Variants in UFD1 observed in about 807,000 individuals in gnomAD.
UFD1 encodes the protein ubiquitin recognition factor in ER-associated degradation protein 1.
A neutral mutation model predicts 45.9 loss-of-function variants in UFD1; 13 were observed. The ratio of observed to expected loss-of-function variants is 0.28; its 90% CI spans 0.18 to 0.45. UFD1 has a LOEUF of 0.45. Among genes scored for constraint, UFD1 ranks in the 20% least tolerant of loss-of-function variants. The probability of loss-of-function intolerance (pLI) is 1.00; values close to 1 mark genes in which losing one functional copy is unlikely to be tolerated. For missense variants in UFD1, 218 were observed against 389.2 expected, an observed-to-expected ratio of 0.56 and a Z score of 3.70; for synonymous variants, 128 against 139.2, an observed-to-expected ratio of 0.92 and a Z score of 0.56.
intron 7 of UFD1, 92 bp downstream of exon 7, chr22:19,457,979 T>C: frequency 7.3e-7 from 1 of 1,364,894 alleles, no homozygotes. Context: ...CAGGGGCTGT[T>C]TGATGCCCTC....
chr22:19,457,638 C>A (rs2089733144), intron 7 of UFD1, among the ~76,000 whole-genome samples: 1 of 152,082 alleles, frequency 6.6e-6, no homozygotes, highest in Non-Finnish European at 1.5e-5. Flanking sequence ...CATGGTAAAA[C>A]CCTGTCTCTA....
chr22:19,464,268 G>A (rs1321086320), intron 6 of UFD1, among the ~76,000 whole-genome samples: 1 of 152,238 alleles, frequency 6.6e-6, no homozygotes, highest in Non-Finnish European at 1.5e-5. Flanking sequence ...AGAGAGTGCT[G>A]TGAAGGAGCT....
At chr22:19,471,632 G>A in intron 4 of UFD1, 55 bp downstream of exon 4, 3 of 1,595,788 alleles carry the variant, frequency 1.9e-6, no homozygotes, top group Admixed American at 1.7e-5. Flanking sequence ...CTCGAGTGCA[G>A]GAGATGTCTC....
intron 6 of UFD1, among the ~76,000 whole-genome samples, chr22:19,462,171 T>C (rs2089772454): frequency 6.6e-6 from 1 of 151,976 alleles, no homozygotes; most frequent in South Asian, 2.1e-4. Flanking sequence ...AGCTAATTTT[T>C]GTATTTTTTG....
rs1372661161 is a variant in UFD1, at chr22:19,467,899, G to A, written c.396C>T (p.Phe132=). The A allele has an allele frequency of 6.2e-7, 1 of 1,614,062 alleles. No homozygotes were observed. The highest frequency in any genetic ancestry group is 2.2e-5 in the East Asian group (1 of 44,892). ...YSKFQPQSPD[F]LDITNPKAVL... ...CGGCTTTGGGGTTGGTGATGTCCAG[G>A]AAGTCAGGGCTCTGAGGTTGGAATT... is the stretch of plus-strand genomic sequence containing the variant. Residue 132 remains phenylalanine, a synonymous_variant, in exon 5 of 12, where the codon TTC becomes TTT. Transcript: ENST00000263202.
At chr22:19,456,680 C>T (rs974005915) in intron 8 of UFD1, 46 bp from the exon 9 acceptor site, 6 of 1,613,980 alleles carry the variant, frequency 3.7e-6, no homozygotes, top group Non-Finnish European at 5.1e-6. Flanking sequence ...GCGGGGACAC[C>T]CAGCTTCCCT....
At chr22:19,468,269 TC>T (rs2089818214) in intron 4 of UFD1, among the ~76,000 whole-genome samples, 1 of 152,174 alleles carries the variant, frequency 6.6e-6, no homozygotes, top group Admixed American at 6.5e-5. Flanking sequence ...ACTCACTAGC[TC>T]CAGGCTTCCC....
intron 6 of UFD1, among the ~76,000 whole-genome samples, chr22:19,460,081 C>T (rs1457474676): frequency 1.3e-5 from 2 of 151,512 alleles, no homozygotes; most frequent in Non-Finnish European, 2.9e-5. Flanking sequence ...CTGGATAGTC[C>T]CACCATTTAA....
chr22:19,471,625 G>C (rs1251906281), intron 4 of UFD1, 62 bp downstream of exon 4: 22 of 1,587,062 alleles, frequency 1.4e-5, no homozygotes, highest in South Asian at 2.3e-5. Flanking sequence ...CAGGACTCTC[G>C]AGTGCAGGAG....
chr22:19,474,779 T>C (rs1449639278), intron 3 of UFD1, among the ~76,000 whole-genome samples: 21 of 152,076 alleles, frequency 1.4e-4, no homozygotes, highest in Middle Eastern at 3.4e-3. Context: ...CTGAGAACAG[T>C]TGGGGGGTGG....
chr22:19,461,257 C>G (rs1403098809), intron 6 of UFD1, among the ~76,000 whole-genome samples: 1 of 152,220 alleles, frequency 6.6e-6, no homozygotes, highest in African/African-American at 2.4e-5. Flanking sequence ...ACCCATTCAT[C>G]TGCAATTTAT....
chr22:19,450,029 G>A lies in UFD1; in HGVS notation c.*641C>T, dbSNP rs2089668099. The A allele has an allele frequency of 6.6e-6, 1 of 152,182 alleles. No individual in the cohort carries two copies. The highest frequency in any genetic ancestry group is 2.4e-5 in the African/African-American group (1 of 41,428). The allele number at this position is 152,182 out of a possible 1,614,324, so 9.4% of individuals were successfully genotyped here. On this transcript the variant is annotated 3_prime_UTR_variant, in exon 12 of 12. Transcript: ENST00000263202. ...CACATGTTTGCTTCTCCATGGAGTT[G>A]TTTCACTATGAACAGGTTCACTAAG... is the stretch of plus-strand genomic sequence containing the variant.
intron 3 of UFD1, 68 bp from the exon 4 acceptor site, chr22:19,471,876 C>T: frequency 3.9e-6 from 6 of 1,557,598 alleles, no homozygotes; most frequent in Non-Finnish European, 5.2e-6. Context: ...CCACGCCTTC[C>T]CATAGAAGGA....
chr22:19,479,021 C>T, intron 1 of UFD1, 62 bp downstream of exon 1: 5 of 1,548,438 alleles, frequency 3.2e-6, no homozygotes, highest in Admixed American at 1.8e-5. Flanking sequence ...CCTGCCCCGC[C>T]GGGCCCTACC....
intron 1 of UFD1, among the ~76,000 whole-genome samples, chr22:19,476,575 C>A (rs7286588): frequency 9.6e-6 from 1 of 104,290 alleles, no homozygotes; most frequent in Non-Finnish European, 1.8e-5. Context: ...TTCCTCCCAC[C>A]CCCCACCCCC....
chr22:19,455,648 C>G (rs5993645), intron 10 of UFD1, 32 bp downstream of exon 10: 5 of 1,604,496 alleles, frequency 3.1e-6, no homozygotes. Context: ...AGATCCTCCT[C>G]CTGTCCTGGA....
intron 4 of UFD1, chr22:19,469,890 C>A (rs754781304): frequency 1.9e-6 from 1 of 515,644 alleles, no homozygotes. Context: ...TGGTCTAAAG[C>A]AGTCCAACAG....
At chr22:19,477,973 G>C (rs2089900235) in intron 1 of UFD1, among the ~76,000 whole-genome samples, 2 of 152,150 alleles carry the variant, frequency 1.3e-5, no homozygotes, top group African/African-American at 2.4e-5. Context: ...CATAACACAG[G>C]AAATAGCGTT....
rs779130057 is a variant in UFD1, at chr22:19,458,095, C to T, written c.540G>A (p.Val180=). The change falls in exon 7 of 12, where the codon GTG becomes GTA. Residue 180 remains valine (V), a synonymous_variant. Transcript: ENST00000263202. The part of the protein sequence containing the change: ...RVMETKPDKA[V]SIIECDMNVD... Reference sequence around the variant, plus strand: ...CGTTCATGTCACACTCAATGATGGACACTGCCTTGTCGGGTTTGGTCTCCA... The same window carrying T: ...CGTTCATGTCACACTCAATGATGGATACTGCCTTGTCGGGTTTGGTCTCCA... 1 of 1,614,188 alleles carries T rather than the reference C, an allele frequency of 6.2e-7. No individual in the cohort carries two copies. Among genetic ancestry groups the T allele is most frequent in the Admixed American group, 1.7e-5 (1 of 60,028 alleles).
Sources: allele counts gnomAD v4.1 joint callset (sites outside exome capture counted in the v4.1 genomes callset), GRCh38; gene constraint gnomAD v4.1.1; transcripts MANE v1.5; gene names NCBI Gene and HGNC (gene_info 2026-07-23, HGNC 2026-07-21).